The following ZNF578 variants were observed in gnomAD, a reference collection of about 807,000 sequenced individuals.
ZNF578 encodes Putative chemokine-related protein B42.
ZNF578 carries 8 observed loss-of-function variants against 8.3 expected under a neutral mutation model. That is an observed-to-expected ratio of 0.96 (90% CI 0.56 to 1.74). ZNF578 has a LOEUF of 1.74. Among genes scored for constraint, ZNF578 ranks in the 40% most tolerant of loss-of-function variants. ZNF578 has a pLI of 0.00. For synonymous variants in ZNF578, 206 were observed against 232.2 expected, an observed-to-expected ratio of 0.89 and a Z score of 1.03; for missense variants, 726 against 707.5, an observed-to-expected ratio of 1.03 and a Z score of -0.30.
At chr19:52,464,042 T>C (rs1186688758) in intron 2 of ZNF578, among the ~76,000 whole-genome samples, 1 of 152,250 alleles carries the variant, frequency 6.6e-6, no homozygotes, top group Non-Finnish European at 1.5e-5. Context: ...ATTGGAACTA[T>C]AATTTTATTG....
chr19:52,479,712 T>C (rs1193610378), intron 2 of ZNF578, among the ~76,000 whole-genome samples: 1 of 152,068 alleles, frequency 6.6e-6, no homozygotes, highest in Admixed American at 6.6e-5. Context: ...AATAAAGATA[T>C]TTGAAGGGTT....
rs781349686 is a variant in ZNF578 at position 52,511,926 on chromosome 19, A to G, written c.1545A>G (p.Glu515=). 6.2e-7 allele frequency: 1 copy of G among 1,613,406 alleles called. No individual in the cohort carries two copies. Among genetic ancestry groups the G allele is most frequent in the Non-Finnish European group, 8.5e-7 (1 of 1,179,818 alleles). ...GTGAGAAACCTTACAAGTGTAATGA[A>G]TGTGGGAAGACTTTTAATGTACAGT... ...HSGEKPYKCN[E]CGKTFNVQSH... The change falls in exon 6 of 6, where the codon GAA becomes GAG. Residue 515 remains glutamate, a synonymous_variant. Transcript: ENST00000421239.
chr19:52,487,241 A>G (rs890729443), intron 2 of ZNF578, among the ~76,000 whole-genome samples: 1 of 152,192 alleles, frequency 6.6e-6, no homozygotes, highest in Admixed American at 6.5e-5. Flanking sequence ...AGCTGGGAGG[A>G]TGACTTGAGC....
chr19:52,482,037 T>C (rs181522482), intron 2 of ZNF578, among the ~76,000 whole-genome samples: 33 of 152,042 alleles, frequency 2.2e-4, no homozygotes. Flanking sequence ...CTGGCCTACA[T>C]AGAACTTTTT....
At chr19:52,497,743 C>T in intron 3 of ZNF578, among the ~76,000 whole-genome samples, 2 of 152,280 alleles carry the variant, frequency 1.3e-5, no homozygotes, top group South Asian at 4.1e-4. Flanking sequence ...ATAATGATAT[C>T]AAGGACCTTT....
At chr19:52,487,956 C>G (rs908086336) in intron 2 of ZNF578, among the ~76,000 whole-genome samples, 2 of 150,052 alleles carry the variant, frequency 1.3e-5, no homozygotes, top group Admixed American at 1.3e-4. Flanking sequence ...CATAGCCCCC[C>G]CCCCTTTTTT....
chr19:52,470,382 T>G (rs1289832485), intron 2 of ZNF578, among the ~76,000 whole-genome samples: 1 of 152,142 alleles, frequency 6.6e-6, no homozygotes, highest in African/African-American at 2.4e-5. Flanking sequence ...AATTATGACA[T>G]TATTGTCTAT....
intron 3 of ZNF578, among the ~76,000 whole-genome samples, chr19:52,499,264 A>G (rs964310125): frequency 2.0e-5 from 3 of 152,152 alleles, no homozygotes; most frequent in African/African-American, 7.2e-5. Context: ...TTTAACTCAA[A>G]TTTCAAATGA....
chr19:52,496,724 G>A (rs1283985233), intron 3 of ZNF578, among the ~76,000 whole-genome samples: 2 of 151,276 alleles, frequency 1.3e-5, no homozygotes, highest in Non-Finnish European at 2.9e-5. Context: ...TGCAACCTTC[G>A]CCTCTGGGGT....
chr19:52,472,328 T>G (rs970554), intron 2 of ZNF578, among the ~76,000 whole-genome samples: 24,033 of 152,220 alleles, frequency 0.16, 2,094 homozygotes, highest in Admixed American at 0.25. Context: ...TTAAACTTTA[T>G]TACATAAAAC....
chr19:52,510,964 A>C lies in ZNF578; in HGVS notation c.583A>C (p.Arg195=). Reference sequence around the variant, plus strand: ...TGCTTCCTCAATTTCAACATCCCAAAGAATTTCTTGTAGGCCTGAAACACA... The same window carrying C: ...TGCTTCCTCAATTTCAACATCCCAACGAATTTCTTGTAGGCCTGAAACACA... ...NDASSISTSQ[R]ISCRPETHTP... The change falls in exon 6 of 6, where the codon AGA becomes CGA. Residue 195 remains arginine (R), a synonymous_variant. Coordinates refer to ENST00000421239, the MANE Select transcript of ZNF578 (RefSeq NM_001099694.2). The C allele has an allele frequency of 6.2e-7, 1 of 1,614,224 alleles. No homozygotes were observed.
At chr19:52,480,653 T>A (rs1328540673) in intron 2 of ZNF578, among the ~76,000 whole-genome samples, 1 of 150,980 alleles carries the variant, frequency 6.6e-6, no homozygotes, top group Non-Finnish European at 1.5e-5. Context: ...ATCCCAGCAC[T>A]TTAAGAGGCC....
chr19:52,490,549 GAC>G (rs914451588), intron 2 of ZNF578, among the ~76,000 whole-genome samples: 41 of 152,254 alleles, frequency 2.7e-4, no homozygotes, highest in African/African-American at 8.9e-4. Context: ...TAATGGAACT[GAC>G]ACACTGCACT....
At chr19:52,485,056 TTGAA>T (rs1277141839) in intron 2 of ZNF578, among the ~76,000 whole-genome samples, 4 of 151,764 alleles carry the variant, frequency 2.6e-5, no homozygotes, top group Non-Finnish European at 4.4e-5. Context: ...GAGTCGGACT[TTGAA>T]TGGAAGGCGA....
chr19:52,512,029 T>A lies in ZNF578; in HGVS notation c.1648T>A (p.Cys550Ser). 6.2e-7 allele frequency: 1 copy of A among 1,613,826 alleles called. No individual in the cohort carries two copies. Among genetic ancestry groups the A allele is most frequent in the East Asian group, 2.2e-5 (1 of 44,808 alleles). ...KCKVCDKAFMCHSYLANHTRI... is the reference protein window; with the variant it reads ...KCKVCDKAFMSHSYLANHTRI... Reference sequence around the variant, plus strand: ...TAAGGTTTGTGACAAGGCTTTCATGTGCCATTCTTATCTGGCAAACCATAC... The same window carrying A: ...TAAGGTTTGTGACAAGGCTTTCATGAGCCATTCTTATCTGGCAAACCATAC... The change falls in exon 6 of 6, where the codon TGC (cysteine) becomes AGC (serine). Residue 550 changes from cysteine (C) to serine (S), a missense_variant. By Grantham distance (112) the Cys-to-Ser change is moderately radical. Coordinates refer to ENST00000421239, the MANE Select transcript of ZNF578 (RefSeq NM_001099694.2).
At chr19:52,482,942 CAAAAAA>C (rs35843945) in intron 2 of ZNF578, among the ~76,000 whole-genome samples, 3 of 55,426 alleles carry the variant, frequency 5.4e-5, no homozygotes, top group African/African-American at 1.9e-4. Context: ...CTCTGTCTCC[CAAAAAA>C]AAAAAAAAAA....
chr19:52,510,614 G>T lies in ZNF578; in HGVS notation c.233G>T (p.Gly78Val), dbSNP rs774887079. The change falls in exon 6 of 6, where the codon GGG becomes GTG. Residue 78 changes from glycine (G) to valine (V), a missense_variant. Physicochemically the swap from Gly to Val is moderately radical, Grantham distance 109. Transcript: ENST00000421239. ...KRMMKEVLST[G>V]QGNTEVIHTG... ...ATGATGAAGGAGGTCTTGTCAACAG[G>T]GCAAGGCAATACAGAAGTGATCCAC... The T allele has an allele frequency of 3.8e-6, 6 of 1,577,518 alleles. No individual in the cohort carries two copies. The highest frequency in any genetic ancestry group is 5.2e-6 in the Non-Finnish European group (6 of 1,163,574).
At chr19:52,478,506 A>G (rs1368288576) in intron 2 of ZNF578, among the ~76,000 whole-genome samples, 1 of 151,938 alleles carries the variant, frequency 6.6e-6, no homozygotes, top group Non-Finnish European at 1.5e-5. Context: ...GCCAATTTTT[A>G]TACTCCCTCT....
chr19:52,459,713 A>ATGTGTGTGTGTGTGTGTG (rs1555751309), intron 2 of ZNF578, among the ~76,000 whole-genome samples: 2 of 18,234 alleles, frequency 1.1e-4, no homozygotes, highest in African/African-American at 2.8e-4. Context: ...ATATGTAGAT[A>ATGTGTGTGTGTGTGTGTG]TGTGTGTGTG....
Sources: allele counts gnomAD v4.1 joint callset (sites outside exome capture counted in the v4.1 genomes callset), GRCh38; gene constraint gnomAD v4.1.1; transcripts MANE v1.5; gene names NCBI Gene and HGNC (gene_info 2026-07-23, HGNC 2026-07-21).